EXOC4: variants seen among roughly 807,000 people sequenced by gnomAD.
EXOC4 encodes exocyst complex component 4, also known as SEC8-like 1.
EXOC4 carries 71 observed loss-of-function variants against 107.2 expected under a neutral mutation model. The observed-to-expected ratio is 0.66, with a 90% CI of 0.55 to 0.81. EXOC4 has a LOEUF of 0.81. EXOC4 is among the 30% of genes least tolerant of loss of function. The pLI is 0.00. For missense variants in EXOC4, 1,108 were observed against 1,189.6 expected, an observed-to-expected ratio of 0.93 and a Z score of 1.01; for synonymous variants, 456 against 441.2, an observed-to-expected ratio of 1.03 and a Z score of -0.42.
At chr7:133,630,016 A>G (rs755229895) in intron 9 of EXOC4, 29 bp from the exon 10 acceptor site, 2 of 1,518,808 alleles carry the variant, frequency 1.3e-6, no homozygotes, top group Admixed American at 1.7e-5. Flanking sequence ...TCAATGAGCT[A>G]AGTCTGTTTT....
the EXOC4 span, among the ~76,000 whole-genome samples, chr7:134,092,447 G>A: frequency 6.6e-6 from 1 of 152,042 alleles, no homozygotes; most frequent in Admixed American, 6.6e-5. Flanking sequence ...CAGCCAATAT[G>A]AATATTTTCA....
chr7:133,383,891 A>G (rs1020411929), intron 7 of EXOC4, among the ~76,000 whole-genome samples: 3 of 152,168 alleles, frequency 2.0e-5, no homozygotes, highest in East Asian at 1.9e-4. Flanking sequence ...TTGAATCTCC[A>G]CAAAAGTGCT....
intron 10 of EXOC4, among the ~76,000 whole-genome samples, chr7:133,794,277 A>G (rs1037413842): frequency 6.6e-6 from 1 of 152,138 alleles, no homozygotes. Context: ...GGGAGACATC[A>G]GTAATTTAGG....
At chr7:133,629,949 A>G in intron 9 of EXOC4, 96 bp from the exon 10 acceptor site, 1 of 813,388 alleles carries the variant, frequency 1.2e-6, no homozygotes, top group Non-Finnish European at 2.1e-6. Context: ...AGATGGTCCT[A>G]ATTATGACAG....
chr7:133,434,640 C>T (rs1012237099), intron 7 of EXOC4, among the ~76,000 whole-genome samples: 2 of 152,176 alleles, frequency 1.3e-5, no homozygotes, highest in East Asian at 1.9e-4. Flanking sequence ...TAATTTGGTG[C>T]AGAAAAAATC....
intron 9 of EXOC4, among the ~76,000 whole-genome samples, chr7:133,546,267 T>TTC (rs1563103517): frequency 6.8e-6 from 1 of 147,550 alleles, no homozygotes; most frequent in Non-Finnish European, 1.5e-5. Context: ...TTTTTTTTTT[T>TTC]TTTTTCCGAG....
intron 9 of EXOC4, among the ~76,000 whole-genome samples, chr7:133,514,082 G>C (rs962562740): frequency 2.6e-5 from 4 of 151,938 alleles, no homozygotes; most frequent in Admixed American, 2.6e-4. Context: ...TGTATTAATG[G>C]TATTGATAAT....
chr7:133,952,847 T>G (rs548058512), intron 14 of EXOC4, among the ~76,000 whole-genome samples: 1 of 152,356 alleles, frequency 6.6e-6, no homozygotes, highest in South Asian at 2.1e-4. Context: ...GAAAGCTGCA[T>G]GATATTCTAT....
At chr7:133,597,108 T>C (rs1201805409) in intron 9 of EXOC4, among the ~76,000 whole-genome samples, 2 of 152,164 alleles carry the variant, frequency 1.3e-5, no homozygotes, top group Non-Finnish European at 2.9e-5. Context: ...TTCATGTCAC[T>C]GGAGCAGCCC....
intron 10 of EXOC4, among the ~76,000 whole-genome samples, chr7:133,746,370 G>A (rs947741303): frequency 6.6e-6 from 1 of 152,092 alleles, no homozygotes; most frequent in Non-Finnish European, 1.5e-5. Context: ...TTGTAGGTGA[G>A]GAAATATCCC....
rs770437075 is a variant in EXOC4 at position 133,704,910 on chromosome 7, A to G, written c.1514+74769A>G. Among the ~76,000 whole-genome samples, 4 of 152,202 alleles carry G rather than the reference A, an allele frequency of 2.6e-5. No individual in the cohort carries two copies. In the East Asian group the frequency reaches 7.7e-4, roughly 29 times the overall value. On this transcript the variant is annotated intron_variant, in intron 10 of 17. Coordinates refer to ENST00000253861, the MANE Select transcript of EXOC4 (RefSeq NM_021807.4). ...GACTTTTGGATTAGGGTTGCTCAAC[A>G]TGTTGAACAATTATAACAATATGCT...
chr7:134,050,497 T>TA (rs144795002), intron 17 of EXOC4, among the ~76,000 whole-genome samples: 4 of 146,622 alleles, frequency 2.7e-5, no homozygotes, highest in African/African-American at 7.6e-5. Flanking sequence ...AGTTTTTTTT[T>TA]AAAAAAGATA....
chr7:133,450,171 GTTA>G (rs1798309251), intron 7 of EXOC4, among the ~76,000 whole-genome samples: 1 of 151,934 alleles, frequency 6.6e-6, no homozygotes. Context: ...TAGTTTTTGG[GTTA>G]TTATTATTTT....
chr7:133,777,260 T>G (rs1796363536), intron 10 of EXOC4, among the ~76,000 whole-genome samples: 1 of 135,032 alleles, frequency 7.4e-6, no homozygotes, highest in African/African-American at 2.8e-5. Flanking sequence ...AGGCCTGTGC[T>G]TAGTCTAAGA....
At chr7:133,315,759 T>C (rs1485215863) in intron 4 of EXOC4, among the ~76,000 whole-genome samples, 1 of 152,196 alleles carries the variant, frequency 6.6e-6, no homozygotes, top group Non-Finnish European at 1.5e-5. Context: ...TGGTAAATGC[T>C]TTCTGTTACT....
chr7:133,999,735 C>A (rs1258496441), intron 15 of EXOC4, among the ~76,000 whole-genome samples: 1 of 152,116 alleles, frequency 6.6e-6, no homozygotes, highest in Non-Finnish European at 1.5e-5. Flanking sequence ...TACTATTGAT[C>A]GTGTGCTTAT....
At chr7:133,679,533 C>T (rs1048874168) in intron 10 of EXOC4, among the ~76,000 whole-genome samples, 7 of 143,880 alleles carry the variant, frequency 4.9e-5, no homozygotes, top group Admixed American at 4.8e-4. Context: ...CCCATCCATC[C>T]GTCCGTCCGT....
intron 13 of EXOC4, among the ~76,000 whole-genome samples, chr7:133,931,294 G>A (rs1489669486): frequency 1.7e-5 from 2 of 115,024 alleles, no homozygotes; most frequent in Non-Finnish European, 3.5e-5. Flanking sequence ...CCCAATAGTG[G>A]CTCAATAAAT....
chr7:133,436,048 G>GTTTTTT (rs5887624), intron 7 of EXOC4, among the ~76,000 whole-genome samples: 2 of 142,762 alleles, frequency 1.4e-5, no homozygotes, highest in Non-Finnish European at 1.5e-5. Context: ...TTATCTCAGT[G>GTTTTTT]TTTTTTTTTT....
Sources: allele counts gnomAD v4.1 joint callset (sites outside exome capture counted in the v4.1 genomes callset), GRCh38; gene constraint gnomAD v4.1.1; transcripts MANE v1.5; gene names NCBI Gene and HGNC (gene_info 2026-07-23, HGNC 2026-07-21).